The following CUX1 variants were observed in gnomAD, a reference collection of about 807,000 sequenced individuals.
CUX1 encodes protein CASP.
In CUX1, 31 loss-of-function variants were observed where a neutral mutation model predicts 158.8. That is an observed-to-expected ratio of 0.20 (90% CI 0.15 to 0.26). The LOEUF is 0.26. Among genes scored for constraint, CUX1 ranks in the 10% least tolerant of loss-of-function variants. The pLI is 1.00. For missense variants in CUX1, 1,589 were observed against 2,014.6 expected (o/e 0.79, Z 4.04); for synonymous variants, 879 against 862.1 (o/e 1.02, Z -0.34).
chr7:102,190,304 C>T (rs1794137336), intron 12 of CUX1, among the ~76,000 whole-genome samples: 1 of 152,224 alleles, frequency 6.6e-6, no homozygotes, highest in Non-Finnish European at 1.5e-5. Flanking sequence ...AAACTCTATT[C>T]TCCATCTGTG....
intron 11 of CUX1, 88 bp downstream of exon 11, chr7:102,178,745 G>A: frequency 7.2e-7 from 1 of 1,386,426 alleles, no homozygotes; most frequent in Non-Finnish European, 9.8e-7. Context: ...CTGCCTTTCT[G>A]GACTTGATAG....
At chr7:102,025,051 C>T (rs762036939) in intron 2 of CUX1, among the ~76,000 whole-genome samples, 9 of 152,116 alleles carry the variant, frequency 5.9e-5, no homozygotes, top group Non-Finnish European at 1.2e-4. Flanking sequence ...CAGCCTCTCG[C>T]GCTGCCGGCA....
intron 2 of CUX1, among the ~76,000 whole-genome samples, chr7:101,962,362 C>G (rs1245500224): frequency 6.6e-6 from 1 of 152,220 alleles, no homozygotes; most frequent in Non-Finnish European, 1.5e-5. Flanking sequence ...TCGCTCTACC[C>G]TTTCGGGATC....
chr7:101,876,650 G>A lies in CUX1; in HGVS notation c.31-39465G>A, dbSNP rs548908468. 5.3e-5 allele frequency among the ~76,000 whole-genome samples: 8 copies of A among 151,918 alleles called. No individual in the cohort carries two copies. The East Asian group carries it at 7.7e-4, about 15-fold the overall frequency. On this transcript the variant is annotated intron_variant, in intron 1 of 23. Coordinates refer to ENST00000292535, the MANE Select transcript of CUX1 (RefSeq NM_181552.4). ...GTGGAGGTTGCAGTGAGTTGAGATC[G>A]GGCCACTGTGCTCTGACCTGGCAAC...
At chr7:101,885,349 G>A (rs1024722921) in intron 1 of CUX1, among the ~76,000 whole-genome samples, 1 of 152,182 alleles carries the variant, frequency 6.6e-6, no homozygotes, top group Non-Finnish European at 1.5e-5. Context: ...GGGAAGTCCA[G>A]AAGGCCTTTG....
At chr7:102,174,252 G>A (rs1428373774) in intron 10 of CUX1, among the ~76,000 whole-genome samples, 1 of 152,134 alleles carries the variant, frequency 6.6e-6, no homozygotes, top group Non-Finnish European at 1.5e-5. Context: ...CTGAATAGCT[G>A]GGATTACAGG....
At chr7:102,195,470 C>T (rs199675792) in intron 13 of CUX1, 37 bp from the exon 14 acceptor site, 5 of 1,556,376 alleles carry the variant, frequency 3.2e-6, no homozygotes, top group East Asian at 2.3e-5. Context: ...GGTGAGTGGC[C>T]GGCCCCGCAG....
rs987749305 is a variant in CUX1 at position 101,863,042 on chromosome 7, G to A, written c.30+45373G>A. On this transcript the variant is annotated intron_variant, in intron 1 of 23. Transcript: ENST00000292535. Reference sequence around the variant, plus strand: ...TTGTCTTATCTGTAACTTTCTCATCGCTCACCCGACTTAAATTTTGAAACA... The same window carrying A: ...TTGTCTTATCTGTAACTTTCTCATCACTCACCCGACTTAAATTTTGAAACA... 8.6e-5 allele frequency among the ~76,000 whole-genome samples: 13 copies of A among 151,704 alleles called. No homozygotes were observed. In the South Asian group the frequency reaches 1.0e-3, roughly 12 times the overall value.
intron 3 of CUX1, among the ~76,000 whole-genome samples, chr7:102,058,231 T>A (rs1824381715): frequency 1.3e-5 from 2 of 152,192 alleles, no homozygotes; most frequent in African/African-American, 4.8e-5. Context: ...AATCAAAAAA[T>A]TTATGTGACT....
intron 2 of CUX1, among the ~76,000 whole-genome samples, chr7:101,979,022 A>T (rs1476085787): frequency 6.6e-6 from 1 of 152,232 alleles, no homozygotes; most frequent in Admixed American, 6.5e-5. Context: ...TACTGGGGCC[A>T]GAGGGGCGCT....
intron 4 of CUX1, among the ~76,000 whole-genome samples, chr7:102,077,901 A>G (rs1432051497): frequency 2.0e-5 from 3 of 149,824 alleles, no homozygotes; most frequent in Non-Finnish European, 4.4e-5. Context: ...TACAATGAGT[A>G]TGTATTTATT....
intron 1 of CUX1, among the ~76,000 whole-genome samples, chr7:101,904,052 G>A (rs1371062110): frequency 6.6e-6 from 1 of 151,682 alleles, no homozygotes; most frequent in African/African-American, 2.4e-5. Flanking sequence ...CAGTACTTTG[G>A]GAGGCTGAGG....
At chr7:101,997,617 T>C (rs777371607) in intron 2 of CUX1, among the ~76,000 whole-genome samples, 3 of 152,164 alleles carry the variant, frequency 2.0e-5, no homozygotes, top group Admixed American at 2.0e-4. Flanking sequence ...GTGCTGGGAT[T>C]ATAGGCATGA....
intron 1 of CUX1, among the ~76,000 whole-genome samples, chr7:101,854,968 C>G (rs982149207): frequency 6.6e-6 from 1 of 152,194 alleles, no homozygotes; most frequent in Non-Finnish European, 1.5e-5. Flanking sequence ...CTCCTGACCT[C>G]AAGTGATCCT....
At chr7:102,021,240 A>G (rs1194888994) in intron 2 of CUX1, among the ~76,000 whole-genome samples, 5 of 152,164 alleles carry the variant, frequency 3.3e-5, no homozygotes, top group African/African-American at 1.2e-4. Context: ...AGTCAGGGTT[A>G]TTTCCCAGAA....
intron 1 of CUX1, among the ~76,000 whole-genome samples, chr7:101,891,001 C>T (rs1426150729): frequency 1.3e-5 from 2 of 150,136 alleles, no homozygotes; most frequent in Admixed American, 6.6e-5. Flanking sequence ...TTTTTTTGAG[C>T]GGGGGCGGGG....
In CUX1 at chr7:101,916,263, C is replaced by A; in HGVS notation, c.141+38C>A. 2 of 1,297,084 alleles carry A rather than the reference C, an allele frequency of 1.5e-6. No individual in the cohort carries two copies. The highest frequency in any genetic ancestry group is 2.2e-6 in the Non-Finnish European group (2 of 891,918). 80.3% of individuals were successfully genotyped at this position (1,297,084 alleles called of 1,614,324 possible). A position where few individuals can be genotyped will look rare whatever the true frequency, so the allele number is the denominator to read the frequency against. Reference sequence around the variant, plus strand: ...ACCATCGTGTTCGCTTTGAAGGGATCTTAGAATGCTGGTGCATGTTCAGGC... The same window carrying A: ...ACCATCGTGTTCGCTTTGAAGGGATATTAGAATGCTGGTGCATGTTCAGGC... On this transcript the variant is annotated intron_variant, in intron 2 of 23. Transcript: ENST00000292535. This position sits in a 1 kb window ranked among gnomAD's most constrained non-coding sequence, Gnocchi z 4.4.
intron 1 of CUX1, among the ~76,000 whole-genome samples, chr7:101,859,386 A>G (rs1797201419): frequency 6.6e-6 from 1 of 152,238 alleles, no homozygotes; most frequent in Admixed American, 6.5e-5. Context: ...TCTTTTAAAA[A>G]TATCTTTTCT....
intron 23 of CUX1, among the ~76,000 whole-genome samples, 165 bp downstream of exon 23, chr7:102,239,749 C>G (rs1341105969): frequency 6.7e-6 from 1 of 150,220 alleles, no homozygotes; most frequent in Admixed American, 6.6e-5. Context: ...TTTTTCTTTT[C>G]TTTTCTTTTC....
Sources: allele counts gnomAD v4.1 joint callset (sites outside exome capture counted in the v4.1 genomes callset), GRCh38; gene constraint gnomAD v4.1.1; non-coding constraint Gnocchi (gnomAD v3.1); transcripts MANE v1.5; gene names NCBI Gene and HGNC (gene_info 2026-07-23, HGNC 2026-07-21).